The following DHRSX variants were observed in gnomAD, a reference collection of about 807,000 sequenced individuals.
DHRSX encodes the protein dehydrogenase/reductase X-linked.
A neutral mutation model predicts 34.0 loss-of-function variants in DHRSX; 31 were observed. That is an observed-to-expected ratio of 0.91 (90% CI 0.69 to 1.23). DHRSX has a LOEUF of 1.23. Ranked by LOEUF, DHRSX falls within the 50% of genes most tolerant of loss-of-function variation. The pLI is 0.00. For missense variants in DHRSX, 414 were observed against 428.1 expected (o/e 0.97, Z 0.29); for synonymous variants, 201 against 183.8 (o/e 1.09, Z -0.76).
chrX:2,383,035 C>T (rs1454267451), intron 3 of DHRSX, among the ~76,000 whole-genome samples: 6 of 149,664 alleles, frequency 4.0e-5, no homozygotes, highest in African/African-American at 1.5e-4. Context: ...ATTACCACCA[C>T]TATCACCATC....
intron 3 of DHRSX, among the ~76,000 whole-genome samples, chrX:2,347,003 T>C (rs758037040): frequency 1.7e-4 from 26 of 152,328 alleles, no homozygotes; most frequent in East Asian, 9.7e-4. Context: ...GGCTGCATAG[T>C]ATTCCATGGT....
At chrX:2,438,680 A>AC in intron 1 of DHRSX, among the ~76,000 whole-genome samples, 1 of 151,280 alleles carries the variant, frequency 6.6e-6, no homozygotes, top group East Asian at 2.0e-4. Flanking sequence ...AATAAAAAAA[A>AC]AAAAAATGGT....
At chrX:2,478,709 G>T (rs1303043736) in intron 1 of DHRSX, among the ~76,000 whole-genome samples, 1 of 151,144 alleles carries the variant, frequency 6.6e-6, no homozygotes, top group Non-Finnish European at 1.5e-5. Flanking sequence ...TGTGGCCAAG[G>T]GACCAACCAG....
chrX:2,390,185 C>T (rs1339965857), intron 3 of DHRSX, among the ~76,000 whole-genome samples: 1 of 146,346 alleles, frequency 6.8e-6, no homozygotes, highest in East Asian at 2.1e-4. Flanking sequence ...CTCTTGTTGC[C>T]CATCCTGGAG....
chrX:2,284,137 AATTC>A (rs1322872793), intron 4 of DHRSX, among the ~76,000 whole-genome samples: 3 of 152,034 alleles, frequency 2.0e-5, no homozygotes, highest in African/African-American at 4.8e-5. Flanking sequence ...CACTCATTTG[AATTC>A]ATTCATTCAT....
chrX:2,439,430 C>T (rs2044037071), intron 1 of DHRSX, among the ~76,000 whole-genome samples: 1 of 152,118 alleles, frequency 6.6e-6, no homozygotes, highest in South Asian at 2.1e-4. Flanking sequence ...GTTCCTTTGT[C>T]CAGTGGTCCT....
At chrX:2,473,878 T>C (rs2044631984) in intron 1 of DHRSX, among the ~76,000 whole-genome samples, 1 of 144,510 alleles carries the variant, frequency 6.9e-6, no homozygotes, top group Admixed American at 6.7e-5. Flanking sequence ...AGAAAGATAA[T>C]GAAGCCTTGG....
At chrX:2,300,527 C>T (rs1199212827) in intron 3 of DHRSX, among the ~76,000 whole-genome samples, 7 of 152,112 alleles carry the variant, frequency 4.6e-5, no homozygotes, top group African/African-American at 1.4e-4. Context: ...TCGGGGTGGG[C>T]ACCATCTAAT....
intron 3 of DHRSX, among the ~76,000 whole-genome samples, chrX:2,340,111 T>C (rs1330319255): frequency 6.6e-6 from 1 of 151,840 alleles, no homozygotes; most frequent in African/African-American, 2.4e-5. Context: ...ACACCACATG[T>C]TCTCACTCAT....
intron 4 of DHRSX, among the ~76,000 whole-genome samples, chrX:2,283,890 ATTCG>A (rs1375284436): frequency 6.0e-5 from 9 of 151,250 alleles, no homozygotes; most frequent in Non-Finnish European, 1.0e-4. Context: ...ATTCCTTTGA[ATTCG>A]TTCATTCCTT....
chrX:2,271,793 G>C (rs2041558888), intron 4 of DHRSX, among the ~76,000 whole-genome samples: 1 of 152,140 alleles, frequency 6.6e-6, no homozygotes, highest in Non-Finnish European at 1.5e-5. Context: ...AATCCTCCCA[G>C]CACTTTCAGA....
At chrX:2,460,216 T>C (rs2044383929) in intron 1 of DHRSX, among the ~76,000 whole-genome samples, 1 of 152,050 alleles carries the variant, frequency 6.6e-6, no homozygotes, top group African/African-American at 2.4e-5. Context: ...GTGTTCCCAG[T>C]TATTACTCGG....
At chrX:2,230,103 G>T (rs759991872) in intron 6 of DHRSX, among the ~76,000 whole-genome samples, 1 of 152,328 alleles carries the variant, frequency 6.6e-6, no homozygotes, top group South Asian at 2.1e-4. Context: ...CTATGCATGT[G>T]AAGGTGTGTG....
At chrX:2,410,627 G>A (rs1351545253) in intron 2 of DHRSX, among the ~76,000 whole-genome samples, 3 of 152,112 alleles carry the variant, frequency 2.0e-5, no homozygotes, top group Non-Finnish European at 2.9e-5. Context: ...CATTGTATTC[G>A]GTATTCTTTC....
At chrX:2,404,249 C>A (rs1204619003) in intron 3 of DHRSX, among the ~76,000 whole-genome samples, 1 of 151,918 alleles carries the variant, frequency 6.6e-6, no homozygotes, top group Non-Finnish European at 1.5e-5. Context: ...GCCCTGGGCA[C>A]CTGCATTTCT....
At chrX:2,442,169 T>C (rs1484764516) in intron 1 of DHRSX, among the ~76,000 whole-genome samples, 2 of 152,324 alleles carry the variant, frequency 1.3e-5, no homozygotes, top group East Asian at 1.9e-4. Context: ...AAGAAAATGC[T>C]ATTAAGAAAA....
At chrX:2,228,993 G>A (rs1472530756) in intron 6 of DHRSX, among the ~76,000 whole-genome samples, 2 of 152,184 alleles carry the variant, frequency 1.3e-5, no homozygotes, top group African/African-American at 4.8e-5. Context: ...CACCCGGGAT[G>A]TCTCCTAGGG....
chrX:2,282,777 G>GGGGAGAGA (rs2041735334), intron 4 of DHRSX, among the ~76,000 whole-genome samples: 1 of 45,788 alleles, frequency 2.2e-5, no homozygotes, highest in Non-Finnish European at 5.3e-5. Flanking sequence ...AGCGAGGGAG[G>GGGGAGAGA]GAGGGGGAGA....
chrX:2,448,615 T>G (rs187155604), intron 1 of DHRSX, among the ~76,000 whole-genome samples: 57 of 152,320 alleles, frequency 3.7e-4, no homozygotes, highest in Middle Eastern at 6.8e-3. Flanking sequence ...ACTTGATTGT[T>G]AATATAGTAT....
Sources: gnomAD v4.1 joint callset for allele counts (sites outside exome capture counted in the v4.1 genomes callset) on GRCh38, gnomAD v4.1.1 for gene constraint, MANE v1.5 for transcripts, NCBI Gene and HGNC (gene_info 2026-07-23, HGNC 2026-07-21) for gene names.